Variants in FBXL17 observed in about 807,000 individuals in gnomAD.
FBXL17 encodes the protein F-box and leucine rich repeat protein 17, also known as F-box/LRR-repeat protein 17.
Under a neutral mutation model 66.2 loss-of-function variants are expected in FBXL17, and 22 were observed. That is an observed-to-expected ratio of 0.33 (90% CI 0.24 to 0.47). FBXL17 has a LOEUF of 0.47. Among genes scored for constraint, FBXL17 ranks in the 20% least tolerant of loss-of-function variants. The probability of loss-of-function intolerance (pLI) is 1.00; values close to 1 mark genes in which losing one functional copy is unlikely to be tolerated. For synonymous variants in FBXL17, 474 were observed against 400.5 expected, an observed-to-expected ratio of 1.18 and a Z score of -2.19; for missense variants, 878 against 948.2, an observed-to-expected ratio of 0.93 and a Z score of 0.97.
At chr5:107,931,833 T>G (rs745335625) in intron 7 of FBXL17, among the ~76,000 whole-genome samples, 8 of 152,232 alleles carry the variant, frequency 5.3e-5, no homozygotes, top group Admixed American at 6.5e-5. Flanking sequence ...GCCATTTCTA[T>G]TAACATAACT....
At chr5:108,178,522 T>C (rs1384034880) in intron 6 of FBXL17, among the ~76,000 whole-genome samples, 1 of 152,234 alleles carries the variant, frequency 6.6e-6, no homozygotes, top group Non-Finnish European at 1.5e-5. Context: ...ATTCTGTTTC[T>C]ATAATCCTCT....
At chr5:107,991,429 C>G (rs1393326162) in intron 7 of FBXL17, among the ~76,000 whole-genome samples, 1 of 152,116 alleles carries the variant, frequency 6.6e-6, no homozygotes, top group South Asian at 2.1e-4. Flanking sequence ...TGAGTGAGTC[C>G]CTGTTTCTTA....
At chr5:108,224,958 A>G (rs1469177810) in intron 4 of FBXL17, among the ~76,000 whole-genome samples, 1 of 152,008 alleles carries the variant, frequency 6.6e-6, no homozygotes, top group Non-Finnish European at 1.5e-5. Context: ...CATTTAATTC[A>G]CATACCATAA....
At chr5:108,038,314 T>A (rs968982175) in intron 6 of FBXL17, among the ~76,000 whole-genome samples, 15 of 145,000 alleles carry the variant, frequency 1.0e-4, no homozygotes, top group African/African-American at 2.2e-4. Flanking sequence ...TACATTTTTT[T>A]AAAAAACCCA....
intron 8 of FBXL17, chr5:107,878,353 A>G (rs986658338): frequency 6.3e-5 from 57 of 910,328 alleles, no homozygotes; most frequent in Non-Finnish European, 5.8e-5. Flanking sequence ...ATGGATGATA[A>G]GACTAATCAG....
At chr5:107,900,157 G>T (rs558867515) in intron 7 of FBXL17, among the ~76,000 whole-genome samples, 79 of 152,208 alleles carry the variant, frequency 5.2e-4, no homozygotes, top group African/African-American at 1.8e-3. Context: ...TTTCAGTAAG[G>T]ATTGGTTTTG....
At chr5:108,090,080 T>C (rs986058371) in intron 6 of FBXL17, among the ~76,000 whole-genome samples, 3 of 152,152 alleles carry the variant, frequency 2.0e-5, no homozygotes, top group Non-Finnish European at 2.9e-5. Flanking sequence ...CTACCCGCCT[T>C]GGCCTCCCAA....
intron 6 of FBXL17, among the ~76,000 whole-genome samples, chr5:108,136,928 A>G (rs1257645865): frequency 6.6e-6 from 1 of 152,200 alleles, no homozygotes; most frequent in African/African-American, 2.4e-5. Flanking sequence ...CTTCAAAACT[A>G]TAACTTAAAA....
chr5:107,971,722 T>C (rs1026602597), intron 7 of FBXL17, among the ~76,000 whole-genome samples: 11 of 152,198 alleles, frequency 7.2e-5, no homozygotes, highest in African/African-American at 2.7e-4. Flanking sequence ...AACGTTTTCA[T>C]GTCTACTGCT....
At chr5:108,003,928 C>T (rs1753833201) in intron 7 of FBXL17, among the ~76,000 whole-genome samples, 2 of 152,078 alleles carry the variant, frequency 1.3e-5, no homozygotes, top group South Asian at 4.1e-4. Flanking sequence ...AGGTTTGAAA[C>T]TTTCCCCAAA....
intron 7 of FBXL17, among the ~76,000 whole-genome samples, chr5:107,910,932 T>C (rs1002019402): frequency 3.3e-5 from 5 of 152,070 alleles, no homozygotes; most frequent in Non-Finnish European, 5.9e-5. Context: ...AATTTAAAAA[T>C]GGGAAAATCT....
At chr5:108,151,241 T>A (rs948481765) in intron 6 of FBXL17, among the ~76,000 whole-genome samples, 3 of 152,258 alleles carry the variant, frequency 2.0e-5, no homozygotes, top group South Asian at 4.1e-4. Flanking sequence ...TCTGCTTGCC[T>A]TACATTCCAT....
intron 1 of FBXL17, among the ~76,000 whole-genome samples, chr5:108,369,327 C>CG (rs1748877325): frequency 6.6e-6 from 1 of 152,120 alleles, no homozygotes; most frequent in African/African-American, 2.4e-5. Flanking sequence ...CTTTCTGGAC[C>CG]GAACCAATGT....
chr5:108,307,958 T>C (rs1286048304), intron 4 of FBXL17, among the ~76,000 whole-genome samples: 1 of 152,196 alleles, frequency 6.6e-6, no homozygotes, highest in African/African-American at 2.4e-5. Flanking sequence ...TTAAGTAGTG[T>C]GTAACGGAAA....
At chr5:108,108,703 C>A (rs747976415) in intron 6 of FBXL17, among the ~76,000 whole-genome samples, 11 of 151,994 alleles carry the variant, frequency 7.2e-5, no homozygotes, top group Non-Finnish European at 1.6e-4. Context: ...GGATCTGTGT[C>A]CTTACTTAAA....
chr5:107,906,639 C>T (rs928303884), intron 7 of FBXL17, among the ~76,000 whole-genome samples: 1 of 152,116 alleles, frequency 6.6e-6, no homozygotes, highest in Non-Finnish European at 1.5e-5. Context: ...AACATCTCAC[C>T]TCATACCACT....
Position 108,072,544 on chromosome 5 carries a change from A to G in FBXL17, c.1746-51543T>C, listed in dbSNP as rs376916852. 3.3e-4 allele frequency among the ~76,000 whole-genome samples: 50 copies of G among 152,302 alleles called. 1 individual carries two copies. In the South Asian group the frequency reaches 0.01, roughly 31 times the overall value. On this transcript the variant is annotated intron_variant, in intron 6 of 8. Coordinates refer to ENST00000542267, the MANE Select transcript of FBXL17 (RefSeq NM_001163315.3). ...TGGTGAAACCCCGTCTCTACTAAAA[A>G]TATTTTTAAAAAAATTAGCCGGGCG...
chr5:108,198,533 T>C (rs1753770017), intron 5 of FBXL17, among the ~76,000 whole-genome samples: 1 of 152,154 alleles, frequency 6.6e-6, no homozygotes, highest in Non-Finnish European at 1.5e-5. Flanking sequence ...CTGTCATGGA[T>C]AGTGAAGGAA....
chr5:108,018,111 G>C (rs1754452594), intron 7 of FBXL17, among the ~76,000 whole-genome samples: 1 of 152,038 alleles, frequency 6.6e-6, no homozygotes, highest in South Asian at 2.1e-4. Flanking sequence ...ACCATAGAAA[G>C]AGGAGGCCAA....
Sources: allele counts gnomAD v4.1 joint callset (sites outside exome capture counted in the v4.1 genomes callset), GRCh38; gene constraint gnomAD v4.1.1; transcripts MANE v1.5; gene names NCBI Gene and HGNC (gene_info 2026-07-23, HGNC 2026-07-21).